GALNT13: variants seen among roughly 807,000 people sequenced by gnomAD.
The protein encoded by GALNT13 is polypeptide N-acetylgalactosaminyltransferase 13.
In GALNT13, 28 loss-of-function variants were observed where a neutral mutation model predicts 64.2. The observed-to-expected ratio is 0.44, with a 90% confidence interval of 0.32 to 0.60. GALNT13 has a LOEUF of 0.60. GALNT13 is among the 20% of genes least tolerant of loss of function. The pLI, the probability that GALNT13 is intolerant of heterozygous loss-of-function variation, is 0.05. For missense variants in GALNT13, 577 were observed against 669.8 expected, an observed-to-expected ratio of 0.86 and a Z score of 1.53; for synonymous variants, 214 against 224.6, an observed-to-expected ratio of 0.95 and a Z score of 0.42.
intron 4 of GALNT13, among the ~76,000 whole-genome samples, chr2:154,206,664 G>A (rs1386329474): frequency 6.6e-6 from 1 of 151,920 alleles, no homozygotes; most frequent in East Asian, 2.0e-4. Flanking sequence ...GGGTGTGGTG[G>A]TGGGTGCCTG....
the GALNT13 span, among the ~76,000 whole-genome samples, chr2:153,753,677 T>A: frequency 1.3e-5 from 2 of 152,180 alleles, no homozygotes; most frequent in African/African-American, 2.4e-5. Flanking sequence ...CCAATAGGAC[T>A]GGGTCTTGTC....
chr2:153,979,732 A>T (rs1694330527), intron 3 of GALNT13, among the ~76,000 whole-genome samples: 1 of 152,216 alleles, frequency 6.6e-6, no homozygotes, highest in Non-Finnish European at 1.5e-5. Context: ...CAACCTCATT[A>T]CAGATCTAAG....
the GALNT13 span, among the ~76,000 whole-genome samples, chr2:153,778,740 A>T: frequency 9.9e-5 from 15 of 152,220 alleles, no homozygotes; most frequent in Non-Finnish European, 1.9e-4. Context: ...TAAACTTTTT[A>T]AAAAATTTGT....
At position 154,259,029 on chromosome 2, in the gene GALNT13, C is replaced by G; in HGVS notation, c.866C>G (p.Thr289Ser). Residue 289 changes from threonine to serine, a missense_variant, in exon 8 of 13, where the codon ACT becomes AGT. Transcript: ENST00000392825. ...GDRTLPVRTP[T>S]MAGGLFSIDR... is the part of the protein sequence containing the mutation. Reference sequence around the variant, plus strand: ...TGTTTTTTTTCAACTAGGACCCCTACTATGGCTGGTGGCCTATTTTCTATT... The same window carrying G: ...TGTTTTTTTTCAACTAGGACCCCTAGTATGGCTGGTGGCCTATTTTCTATT... 6.3e-7 allele frequency: 1 copy of G among 1,579,956 alleles called. No individual in the cohort carries two copies. Among genetic ancestry groups the G allele is most frequent in the African/African-American group, 1.3e-5 (1 of 74,120 alleles).
Position 154,011,056 on chromosome 2 carries a change from G to A in GALNT13, c.142+66417G>A, listed in dbSNP as rs933712040. On this transcript the variant is annotated intron_variant, in intron 3 of 12. Transcript: ENST00000392825. ...TTTATTCCACAAAAACAAACTTTTC[G>A]TTATGTGACCTTTTGTATTTTTTTT... Among the ~76,000 whole-genome samples the A allele has an allele frequency of 1.9e-4, 29 of 151,500 alleles. No individual in the cohort carries two copies. In the Middle Eastern group the frequency reaches 0.01, roughly 53 times the overall value.
chr2:154,359,643 C>T (rs1696949791), intron 9 of GALNT13, among the ~76,000 whole-genome samples: 1 of 152,098 alleles, frequency 6.6e-6, no homozygotes, highest in Admixed American at 6.6e-5. Context: ...GCCACTCGTT[C>T]TTCCTCCAAA....
At chr2:153,675,292 A>G in the GALNT13 span, among the ~76,000 whole-genome samples, 2 of 152,224 alleles carry the variant, frequency 1.3e-5, no homozygotes, top group African/African-American at 4.8e-5. Context: ...ACTTGGAACC[A>G]ACCCAGATAT....
At chr2:153,769,505 T>C in the GALNT13 span, among the ~76,000 whole-genome samples, 1 of 152,140 alleles carries the variant, frequency 6.6e-6, no homozygotes, top group Non-Finnish European at 1.5e-5. Flanking sequence ...TTGCCACTCT[T>C]AGCATTTTTT....
At chr2:153,318,127 T>TTG in the GALNT13 span, among the ~76,000 whole-genome samples, 1 of 151,420 alleles carries the variant, frequency 6.6e-6, no homozygotes, top group African/African-American at 2.4e-5. Flanking sequence ...GGAGAGTTTT[T>TTG]TTTTTTTTTT....
intron 1 of GALNT13, among the ~76,000 whole-genome samples, chr2:153,885,914 A>G (rs13412310): frequency 0.24 from 37,066 of 152,004 alleles, 4,810 homozygotes; most frequent in Non-Finnish European, 0.28. Flanking sequence ...TGCTGTGTAT[A>G]TGTTCATGCT....
At chr2:153,855,685 A>C in the GALNT13 span, among the ~76,000 whole-genome samples, 1 of 152,280 alleles carries the variant, frequency 6.6e-6, no homozygotes, top group Middle Eastern at 3.4e-3. Flanking sequence ...GGCAATTCCT[A>C]AAAATGTTAA....
At chr2:153,867,096 C>T (rs905195852), upstream of GALNT13, among the ~76,000 whole-genome samples, 1 of 152,178 alleles carries the variant, frequency 6.6e-6, no homozygotes, top group Non-Finnish European at 1.5e-5. Flanking sequence ...ACTAAAATAA[C>T]AAATCAACTA....
At chr2:153,608,251 C>T in the GALNT13 span, among the ~76,000 whole-genome samples, 2 of 152,024 alleles carry the variant, frequency 1.3e-5, no homozygotes, top group Non-Finnish European at 2.9e-5. Flanking sequence ...GATACGATAA[C>T]GTATTTAAAG....
intron 4 of GALNT13, among the ~76,000 whole-genome samples, chr2:154,181,246 C>G (rs1685942135): frequency 6.6e-6 from 1 of 152,124 alleles, no homozygotes; most frequent in Non-Finnish European, 1.5e-5. Context: ...ATCAGTAACA[C>G]TTCGGGGAAC....
At chr2:153,085,968 G>A in the GALNT13 span, among the ~76,000 whole-genome samples, 476 of 152,280 alleles carry the variant, frequency 3.1e-3, 1 homozygote, top group African/African-American at 0.011. Flanking sequence ...CATGGGAGCC[G>A]CCTCTTGCAT....
At chr2:154,052,936 A>G (rs560260943) in intron 3 of GALNT13, among the ~76,000 whole-genome samples, 12 of 151,562 alleles carry the variant, frequency 7.9e-5, no homozygotes, top group Admixed American at 1.3e-4. Flanking sequence ...AGGGGGTTTC[A>G]CCATGTTAGC....
chr2:153,821,572 G>C, the GALNT13 span, among the ~76,000 whole-genome samples: 8 of 152,010 alleles, frequency 5.3e-5, no homozygotes, highest in East Asian at 1.5e-3. Context: ...CAAAATCTCT[G>C]GGATGCAGCA....
At chr2:154,082,981 T>C (rs566246093) in intron 3 of GALNT13, among the ~76,000 whole-genome samples, 3 of 152,194 alleles carry the variant, frequency 2.0e-5, no homozygotes, top group East Asian at 3.9e-4. Context: ...CATGAAGTCT[T>C]TGCACATGCC....
the GALNT13 span, among the ~76,000 whole-genome samples, chr2:153,735,645 G>A: frequency 1.6e-4 from 25 of 151,844 alleles, no homozygotes; most frequent in Non-Finnish European, 7.4e-5. Flanking sequence ...GCCACATTCC[G>A]TTGTCATATT....
Sources: gnomAD v4.1 joint callset for allele counts (sites outside exome capture counted in the v4.1 genomes callset) on GRCh38, gnomAD v4.1.1 for gene constraint, MANE v1.5 for transcripts, NCBI Gene and HGNC (gene_info 2026-07-23, HGNC 2026-07-21) for gene names.